WDR17: variants seen among roughly 807,000 people sequenced by gnomAD.
WDR17 encodes WD repeat domain 17.
A neutral mutation model predicts 161.7 loss-of-function variants in WDR17; 143 were observed. The observed-to-expected ratio is 0.88, with a 90% CI of 0.77 to 1.02. The LOEUF (loss-of-function observed/expected upper bound fraction) is 1.02. Ranked by LOEUF, WDR17 falls within the 50% of genes least tolerant of loss-of-function variation. The pLI is 0.00. For missense variants in WDR17, 1,469 were observed against 1,520.9 expected, an observed-to-expected ratio of 0.97 and a Z score of 0.57; for synonymous variants, 517 against 515.6, an observed-to-expected ratio of 1.00 and a Z score of -0.04.
At position 176,182,160 on chromosome 4, in the gene WDR17, T is replaced by C. The variant is rs1370618025; in HGVS notation, c.*2581T>C. On this transcript the variant is annotated 3_prime_UTR_variant, in exon 29 of 29. Coordinates refer to ENST00000508596, the MANE Select transcript of WDR17 (RefSeq NM_181265.4). The surrounding 1 kb of genome is among the most constrained non-coding windows in gnomAD (Gnocchi z 4.2). Reference sequence around the variant, plus strand: ...TCATATTACCAATAATGTGGACAAATTACTTTGCAGGTTTAAATATGCCTC... The same window carrying C: ...TCATATTACCAATAATGTGGACAAACTACTTTGCAGGTTTAAATATGCCTC... 1 of 152,090 alleles carries C rather than the reference T, an allele frequency of 6.6e-6. No homozygotes were observed. Among genetic ancestry groups the C allele is most frequent in the African/African-American group, 2.4e-5 (1 of 41,460 alleles). 9.4% of individuals were successfully genotyped at this position (152,090 alleles called of 1,614,324 possible).
At position 176,070,044 on chromosome 4, in the gene WDR17, C is replaced by G. The variant is rs1355591139; in HGVS notation, c.-7+3965C>G. Among the ~76,000 whole-genome samples the G allele has an allele frequency of 3.9e-5, 6 of 152,264 alleles. No homozygotes were observed. In the South Asian group the frequency reaches 6.2e-4, roughly 16 times the overall value. The stretch of plus-strand genomic sequence containing the variant: ...GGATCCTTAAGACCAGTTACTCTAA[C>G]ACCGTTATTCTGTTAATGAGGACAC... On this transcript the variant is annotated intron_variant, in intron 1 of 28. Transcript: ENST00000508596.
chr4:176,084,650 A>G (rs1735188822), intron 1 of WDR17, among the ~76,000 whole-genome samples: 2 of 151,508 alleles, frequency 1.3e-5, no homozygotes, highest in Admixed American at 1.3e-4. Context: ...TCCCTAAGAT[A>G]AGATGTTATC....
chr4:176,146,060 A>G lies in WDR17; in HGVS notation c.1595A>G (p.Asp532Gly), dbSNP rs1382495554. 1 of 1,613,994 alleles carries G rather than the reference A, an allele frequency of 6.2e-7. No homozygotes were observed. The highest frequency in any genetic ancestry group is 1.1e-5 in the South Asian group (1 of 91,074). The change falls in exon 12 of 29, where the codon GAT (aspartate) becomes GGT (glycine). Residue 532 changes from aspartate (D) to glycine (G), a missense_variant. Coordinates refer to ENST00000508596, the MANE Select transcript of WDR17 (RefSeq NM_181265.4). ...VRVYYVATSS[D>G]QPLKVFSGHT... Reference sequence around the variant, plus strand: ...GTTTATTATGTAGCCACCAGCTCAGATCAACCATTGAAAGTATTTAGTGGG... The same window carrying G: ...GTTTATTATGTAGCCACCAGCTCAGGTCAACCATTGAAAGTATTTAGTGGG...
rs559505193 is a variant in WDR17, at chr4:176,100,568, T to TGCAGGA, written c.-6-11004_-6-10999dup. Among the ~76,000 whole-genome samples the TGCAGGA allele has an allele frequency of 3.9e-3, 591 of 152,298 alleles. 5 individuals are homozygous for TGCAGGA. Among genetic ancestry groups the TGCAGGA allele is most frequent in the African/African-American group, 0.013 (541 of 41,562 alleles). ...TCTCTGTTGATTATTTCTTTGGTTG[T>TGCAGGA]GCAGGAGCTCTTTAGTTTAATTAAG... On this transcript the variant is annotated intron_variant, in intron 1 of 28. Transcript: ENST00000508596.
intron 22 of WDR17, among the ~76,000 whole-genome samples, chr4:176,166,715 C>T (rs560709541): frequency 3.3e-5 from 5 of 152,110 alleles, no homozygotes; most frequent in South Asian, 4.1e-4. Context: ...TTTTCATGGA[C>T]GTTATTTAAA....
chr4:176,112,418 A>G (rs1170518294), intron 2 of WDR17, among the ~76,000 whole-genome samples: 1 of 152,166 alleles, frequency 6.6e-6, no homozygotes, highest in Non-Finnish European at 1.5e-5. Flanking sequence ...TAAAGCTTTC[A>G]GTTGCTACTC....
rs546964007 is a variant in WDR17 at position 176,158,781 on chromosome 4, C to G, written c.2526-1213C>G. Among the ~76,000 whole-genome samples the G allele has an allele frequency of 2.6e-5, 4 of 152,330 alleles. No homozygotes were observed. The South Asian group carries it at 8.3e-4, about 32-fold the overall frequency. On this transcript the variant is annotated intron_variant, in intron 18 of 28. Transcript: ENST00000508596. ...TATTTCATTTATCTTTGAAAGCCAA[C>G]TCCTGATTTTCTCTGCCTCTTAGCC...
intron 1 of WDR17, among the ~76,000 whole-genome samples, chr4:176,086,238 A>G (rs755796712): frequency 2.0e-5 from 3 of 151,930 alleles, no homozygotes; most frequent in Non-Finnish European, 4.4e-5. Context: ...TAAGTAGCCC[A>G]TGTTTATTTG....
intron 18 of WDR17, among the ~76,000 whole-genome samples, chr4:176,159,279 A>ATG (rs1579222804): frequency 3.1e-4 from 46 of 148,704 alleles, no homozygotes; most frequent in African/African-American, 9.6e-4. Flanking sequence ...ACACATGCAC[A>ATG]CACACACACA....
chr4:176,127,254 G>C (rs1742594001), intron 5 of WDR17, among the ~76,000 whole-genome samples: 1 of 151,668 alleles, frequency 6.6e-6, no homozygotes, highest in Non-Finnish European at 1.5e-5. Context: ...TATCTTAATT[G>C]CCTTTAACTT....
chr4:176,098,759 A>G (rs1427746826), intron 1 of WDR17, among the ~76,000 whole-genome samples: 1 of 152,092 alleles, frequency 6.6e-6, no homozygotes, highest in African/African-American at 2.4e-5. Flanking sequence ...TATATTCAAT[A>G]ATGTATGATA....
chr4:176,106,331 T>TA (rs1480811022), intron 1 of WDR17, among the ~76,000 whole-genome samples: 8 of 151,952 alleles, frequency 5.3e-5, no homozygotes, highest in Non-Finnish European at 8.8e-5. Flanking sequence ...ACCCCTTACA[T>TA]ATATGGCCAA....
At chr4:176,130,119 G>A (rs866024372) in intron 6 of WDR17, among the ~76,000 whole-genome samples, 22 of 152,148 alleles carry the variant, frequency 1.4e-4, no homozygotes, top group African/African-American at 5.3e-4. Flanking sequence ...ATAACAGAAA[G>A]TATGGAAAAA....
chr4:176,137,011 TA>T (rs925907783), intron 8 of WDR17, among the ~76,000 whole-genome samples: 1 of 151,644 alleles, frequency 6.6e-6, no homozygotes, highest in African/African-American at 2.4e-5. Flanking sequence ...TTTTATTTCT[TA>T]AAACAGAAAG....
At chr4:176,128,009 T>A (rs1490873506) in intron 5 of WDR17, among the ~76,000 whole-genome samples, 1 of 152,246 alleles carries the variant, frequency 6.6e-6, no homozygotes, top group Non-Finnish European at 1.5e-5. Context: ...GGCTGAATAA[T>A]ATGTCATTAT....
chr4:176,072,370 A>G (rs1420994589), intron 1 of WDR17, among the ~76,000 whole-genome samples: 2 of 152,192 alleles, frequency 1.3e-5, no homozygotes, highest in African/African-American at 4.8e-5. Flanking sequence ...GATATTGAAA[A>G]GCTCCACTCC....
At position 176,163,361 on chromosome 4, in the gene WDR17, C is replaced by T. The variant is rs894493074; in HGVS notation, c.2990+68C>T. On this transcript the variant is annotated intron_variant, in intron 22 of 28. Transcript: ENST00000508596. ...ATACATTTTTAAAACATTATAAATT[C>T]CATTTGATAAGATATGCATTGGGAG... The T allele has an allele frequency of 7.3e-6, 11 of 1,507,382 alleles. No individual in the cohort carries two copies. The African/African-American group carries it at 1.4e-4, about 19-fold the overall frequency. The allele number at this position is 1,507,382 out of a possible 1,614,324, so 93.4% of individuals were successfully genotyped here.
At chr4:176,098,464 G>A (rs1737252826) in intron 1 of WDR17, among the ~76,000 whole-genome samples, 1 of 151,734 alleles carries the variant, frequency 6.6e-6, no homozygotes, top group African/African-American at 2.4e-5. Context: ...TATTTTGTAG[G>A]ATTTATATTT....
chr4:176,174,522 C>A, intron 25 of WDR17, 95 bp from the exon 26 acceptor site: 1 of 842,782 alleles, frequency 1.2e-6, no homozygotes, highest in Non-Finnish European at 1.7e-6. Flanking sequence ...TAAATGTCAC[C>A]TTTCAGAATA....
Sources: allele counts gnomAD v4.1 joint callset (sites outside exome capture counted in the v4.1 genomes callset), GRCh38; gene constraint gnomAD v4.1.1; non-coding constraint Gnocchi (gnomAD v3.1); transcripts MANE v1.5; gene names NCBI Gene and HGNC (gene_info 2026-07-23, HGNC 2026-07-21).